Variants in SLC9A8 observed in about 807,000 individuals in gnomAD.
SLC9A8 encodes the protein sodium/hydrogen exchanger 8.
Under a neutral mutation model 66.6 loss-of-function variants are expected in SLC9A8, and 48 were observed. That is an observed-to-expected ratio of 0.72 (90% CI 0.57 to 0.92). The LOEUF is 0.92. SLC9A8 is among the 40% of genes least tolerant of loss of function. The pLI, the probability that SLC9A8 is intolerant of heterozygous loss-of-function variation, is 0.00. For missense variants in SLC9A8, 599 were observed against 747.3 expected, an observed-to-expected ratio of 0.80 and a Z score of 2.31; for synonymous variants, 274 against 282.6, an observed-to-expected ratio of 0.97 and a Z score of 0.31.
chr20:49,834,469 GTATATATATATATACTGTA>G (rs2087448559), intron 3 of SLC9A8, among the ~76,000 whole-genome samples: 3 of 70,574 alleles, frequency 4.3e-5, no homozygotes, highest in Admixed American at 3.0e-4. Context: ...TATATACTGT[GTATATATATATATACTGTA>G]TATATACACA....
chr20:49,865,792 CCT>C (rs1225825093), intron 10 of SLC9A8, among the ~76,000 whole-genome samples: 1 of 152,168 alleles, frequency 6.6e-6, no homozygotes, highest in African/African-American at 2.4e-5. Context: ...GTGACTCACC[CCT>C]GTTCCTGTGT....
In SLC9A8 at chr20:49,889,442, C is replaced by G. The variant is rs2089994010; in HGVS notation, c.*1506C>G. ...GCAAGCACATCTCCATCTCTTCCAC[C>G]TCAGGCAGTGTGGCTCCAGATGTCA... On this transcript the variant is annotated 3_prime_UTR_variant, in exon 16 of 16. Coordinates refer to ENST00000361573, the MANE Select transcript of SLC9A8 (RefSeq NM_015266.3). 6.6e-6 allele frequency: 1 copy of G among 152,280 alleles called. No individual in the cohort carries two copies. The highest frequency in any genetic ancestry group is 2.4e-5 in the African/African-American group (1 of 41,448). 9.4% of individuals were successfully genotyped at this position (152,280 alleles called of 1,614,324 possible).
At chr20:49,859,526 G>A (rs1026780940) in intron 8 of SLC9A8, among the ~76,000 whole-genome samples, 1 of 150,728 alleles carries the variant, frequency 6.6e-6, no homozygotes, top group African/African-American at 2.4e-5. Context: ...GCTCCTGGGA[G>A]CTGTTGTCAC....
chr20:49,839,513 A>T, intron 3 of SLC9A8, 28 bp from the exon 4 acceptor site: 1 of 1,387,734 alleles, frequency 7.2e-7, no homozygotes, highest in East Asian at 2.3e-5. Context: ...TCTTAAATTT[A>T]TGTTAAAGTT....
At chr20:49,828,067 A>G (rs889440037) in intron 3 of SLC9A8, among the ~76,000 whole-genome samples, 51 of 145,104 alleles carry the variant, frequency 3.5e-4, no homozygotes, top group Non-Finnish European at 3.4e-4. Context: ...CCCCCACCAA[A>G]AAAAAATTTT....
intron 4 of SLC9A8, among the ~76,000 whole-genome samples, chr20:49,841,660 G>A (rs1370854184): frequency 2.0e-5 from 3 of 152,054 alleles, no homozygotes; most frequent in Middle Eastern, 3.4e-3. Context: ...GCACGATCTC[G>A]GCTCACTGCA....
intron 2 of SLC9A8, among the ~76,000 whole-genome samples, chr20:49,818,679 T>TG (rs1358672551): frequency 2.6e-5 from 4 of 151,858 alleles, no homozygotes; most frequent in African/African-American, 9.7e-5. Flanking sequence ...TTAGTAGAGA[T>TG]GGGGTTTCGC....
At chr20:49,879,264 G>A (rs2089540686) in intron 12 of SLC9A8, among the ~76,000 whole-genome samples, 1 of 152,194 alleles carries the variant, frequency 6.6e-6, no homozygotes. Context: ...ATTCAGGTGG[G>A]TTACAGTTCC....
chr20:49,878,210 A>T, intron 12 of SLC9A8, 147 bp downstream of exon 12: 1 of 488,368 alleles, frequency 2.0e-6, no homozygotes, highest in South Asian at 3.7e-5. Context: ...TTTGTTAAAA[A>T]AAAAAAATCA....
At chr20:49,837,339 C>T (rs79102316) in intron 3 of SLC9A8, among the ~76,000 whole-genome samples, 5,610 of 152,222 alleles carry the variant, frequency 0.037, 155 homozygotes, top group East Asian at 0.096. Context: ...CAAGGGTGGT[C>T]ATCCTTAATG....
chr20:49,881,257 G>A (rs984272585), intron 13 of SLC9A8, among the ~76,000 whole-genome samples: 3 of 152,188 alleles, frequency 2.0e-5, no homozygotes, highest in Admixed American at 6.5e-5. Context: ...CCAGGGTCAC[G>A]TGACCACTGG....
chr20:49,815,309 C>T (rs760940819), intron 2 of SLC9A8, 120 bp downstream of exon 2: 12 of 751,544 alleles, frequency 1.6e-5, no homozygotes, highest in Non-Finnish European at 2.0e-5. Context: ...GTTTTCATAT[C>T]AAACACTGAG....
chr20:49,882,838 C>T (rs2146761143), intron 13 of SLC9A8, among the ~76,000 whole-genome samples: 1 of 152,292 alleles, frequency 6.6e-6, no homozygotes, highest in Non-Finnish European at 1.5e-5. Context: ...GGCTGAGAGT[C>T]CCTTGTCCTC....
intron 15 of SLC9A8, among the ~76,000 whole-genome samples, chr20:49,887,263 C>T (rs1341678095): frequency 6.6e-6 from 1 of 152,128 alleles, no homozygotes; most frequent in Non-Finnish European, 1.5e-5. Flanking sequence ...TTCTGTCCCT[C>T]GGGGCACTGC....
rs756323717 is a variant in SLC9A8, at chr20:49,815,165, A to G, written c.184A>G (p.Ile62Val). ...QQEEQSSGMT[I>V]FFSLLVLAIC... ...AGAGGAGCAGTCCAGCGGCATGACC[A>G]TTTTCTTCAGCCTCCTTGTCCTAGG... The change falls in exon 2 of 16, where the codon ATT (isoleucine) becomes GTT (valine). Residue 62 changes from isoleucine to valine, a missense_variant. By Grantham distance (29) the Ile-to-Val change is conservative. Around this residue, in one of 2 missense-constraint regions of SLC9A8, gnomAD observed 132 missense variants for 120.9 expected, o/e 1.09. Coordinates refer to ENST00000361573, the MANE Select transcript of SLC9A8 (RefSeq NM_015266.3). 2 of 1,569,168 alleles carry G rather than the reference A, an allele frequency of 1.3e-6. No homozygotes were observed. The highest frequency in any genetic ancestry group is 1.7e-6 in the Non-Finnish European group (2 of 1,156,296).
At chr20:49,883,597 G>A (rs1174793852) in intron 13 of SLC9A8, among the ~76,000 whole-genome samples, 3 of 152,160 alleles carry the variant, frequency 2.0e-5, no homozygotes, top group Non-Finnish European at 4.4e-5. Flanking sequence ...CCCGCATCTG[G>A]GGCTCTGTAG....
chr20:49,834,454 ATATATATATACTGTG>A (rs2087444898), intron 3 of SLC9A8, among the ~76,000 whole-genome samples: 20 of 68,398 alleles, frequency 2.9e-4, no homozygotes, highest in Admixed American at 1.0e-3. Flanking sequence ...TATATACTGT[ATATATATATACTGTG>A]TATATATATA....
At chr20:49,814,771 T>G (rs2086482141) in intron 1 of SLC9A8, among the ~76,000 whole-genome samples, 4 of 152,186 alleles carry the variant, frequency 2.6e-5, no homozygotes, top group African/African-American at 9.7e-5. Context: ...ATACTAGCTC[T>G]GATTCCCTAC....
intron 3 of SLC9A8, among the ~76,000 whole-genome samples, chr20:49,833,053 G>A (rs1201825631): frequency 6.6e-6 from 1 of 151,982 alleles, no homozygotes; most frequent in South Asian, 2.1e-4. Flanking sequence ...CTACAGGCAC[G>A]TGCCACCACA....
Sources: allele counts gnomAD v4.1 joint callset (sites outside exome capture counted in the v4.1 genomes callset), GRCh38; gene constraint gnomAD v4.1.1; regional missense constraint gnomAD v4.1.1; transcripts MANE v1.5; gene names NCBI Gene and HGNC (gene_info 2026-07-23, HGNC 2026-07-21).